The following CD207 variants were observed in gnomAD, a reference collection of about 807,000 sequenced individuals.
The protein encoded by CD207 is C-type lectin domain family 4 member K.
In CD207, 28 loss-of-function variants were observed where a neutral mutation model predicts 31.6. The ratio of observed to expected loss-of-function variants is 0.89; its 90% confidence interval spans 0.66 to 1.21. The LOEUF is 1.21. Ranked by LOEUF, CD207 falls within the 50% of genes most tolerant of loss-of-function variation. The pLI, the probability that CD207 is intolerant of heterozygous loss-of-function variation, is 0.00. For synonymous variants in CD207, 168 were observed against 153.9 expected, an observed-to-expected ratio of 1.09 and a Z score of -0.68; for missense variants, 388 against 397.8, an observed-to-expected ratio of 0.98 and a Z score of 0.21.
At chr2:70,829,051 T>A (rs1677409046), downstream of CD207, among the ~76,000 whole-genome samples, 1 of 152,230 alleles carries the variant, frequency 6.6e-6, no homozygotes, top group East Asian at 1.9e-4. Context: ...AGCCTTTCTC[T>A]TAACTCAGTG....
At chr2:70,828,007 A>T (rs1677386262), downstream of CD207, among the ~76,000 whole-genome samples, 1 of 152,214 alleles carries the variant, frequency 6.6e-6, no homozygotes, top group Non-Finnish European at 1.5e-5. Context: ...AAATCAGAAA[A>T]AAAAAGAAAG....
chr2:70,831,839 A>C lies in CD207; in HGVS notation c.718-20T>G. ...AAACTCCTGTAGGAAAGACAGGATA[A>C]GCAGAGGTGCGGCCACACTTGGAGC... On this transcript the variant is annotated intron_variant, in intron 4 of 5. Transcript: ENST00000410009. The C allele has an allele frequency of 6.8e-7, 1 of 1,473,688 alleles. No homozygotes were observed. 91.3% of individuals were successfully genotyped at this position (1,473,688 alleles called of 1,614,324 possible).
At chr2:70,831,929 T>C in intron 4 of CD207, 110 bp from the exon 5 acceptor site, 2 of 718,654 alleles carry the variant, frequency 2.8e-6, no homozygotes, top group Non-Finnish European at 4.9e-6. Flanking sequence ...ACAGATGCGC[T>C]GCACAAACTG....
At position 70,831,801 on chromosome 2, in the gene CD207, C is replaced by T. The variant is rs1320259944; in HGVS notation, c.736G>A (p.Ala246Thr). Reference sequence around the variant, plus strand: ...CCAATCCAGTAGATGAGTCCCCCCGCTGTTTTATACAGAAACTCCTGTAGG... The same window carrying T: ...CCAATCCAGTAGATGAGTCCCCCCGTTGTTTTATACAGAAACTCCTGTAGG... ...ESEQEFLYKT[A>T]GGLIYWIGLT... Residue 246 changes from alanine to threonine, a missense_variant, in exon 5 of 6, where the codon GCG becomes ACG. Ala to Thr is a moderately conservative substitution (Grantham distance 58). Transcript: ENST00000410009. 4.3e-6 allele frequency: 7 copies of T among 1,609,752 alleles called. No individual in the cohort carries two copies. Among genetic ancestry groups the T allele is most frequent in the Non-Finnish European group, 6.0e-6 (7 of 1,176,216 alleles).
chr2:70,833,146 G>C, intron 3 of CD207, 95 bp from the exon 4 acceptor site: 11 of 1,167,450 alleles, frequency 9.4e-6, no homozygotes, highest in Non-Finnish European at 1.4e-5. Flanking sequence ...AGAGACAGCA[G>C]CAAATGGAGC....
At chr2:70,827,437 G>C (rs11126300), downstream of CD207, among the ~76,000 whole-genome samples, 93,062 of 152,002 alleles carry the variant, frequency 0.61, 28,873 homozygotes, top group Middle Eastern at 0.7. Flanking sequence ...CCTGAAATCT[G>C]TGAGGGAGGC....
chr2:70,835,410 C>G, intron 2 of CD207, 81 bp downstream of exon 2: 1 of 926,074 alleles, frequency 1.1e-6, no homozygotes, highest in Non-Finnish European at 1.7e-6. Context: ...ACCCGGAGAG[C>G]AGGGAAGTGG....
In CD207 at chr2:70,830,308, G is replaced by C. The variant is rs1354567102; in HGVS notation, c.*742C>G. On this transcript the variant is annotated 3_prime_UTR_variant, in exon 6 of 6. Coordinates refer to ENST00000410009, the MANE Select transcript of CD207 (RefSeq NM_015717.5). Reference sequence around the variant, plus strand: ...GCTTCCCATGCACAAGACACAGGAAGATAGGAAATGCAGAAGGAGGAGGAG... The same window carrying C: ...GCTTCCCATGCACAAGACACAGGAACATAGGAAATGCAGAAGGAGGAGGAG... 6.6e-6 allele frequency: 1 copy of C among 152,552 alleles called. No homozygotes were observed. Among genetic ancestry groups the C allele is most frequent in the Non-Finnish European group, 1.5e-5 (1 of 68,220 alleles). The allele number at this position is 152,552 out of a possible 1,614,324, so 9.4% of individuals were successfully genotyped here. A position where few individuals can be genotyped will look rare whatever the true frequency, so the allele number is the denominator to read the frequency against.
downstream of CD207, among the ~76,000 whole-genome samples, chr2:70,829,343 A>G (rs1677414791): frequency 6.6e-6 from 1 of 152,240 alleles, no homozygotes; most frequent in South Asian, 2.1e-4. Flanking sequence ...TACTGGGGAA[A>G]GATATCATAA....
chr2:70,824,220 C>T, the CD207 span, among the ~76,000 whole-genome samples: 2 of 151,844 alleles, frequency 1.3e-5, no homozygotes, highest in Non-Finnish European at 2.9e-5. Context: ...TACAAAGTGT[C>T]CTGATTTTAC....
intron 3 of CD207, 75 bp from the exon 4 acceptor site, chr2:70,833,126 A>G (rs1482699484): frequency 2.1e-6 from 3 of 1,449,036 alleles, no homozygotes; most frequent in Admixed American, 1.7e-5. Flanking sequence ...GGGCACTTGA[A>G]TGAGGTCTCA....
At chr2:70,826,377 A>G (rs1677345238), downstream of CD207, among the ~76,000 whole-genome samples, 1 of 104,318 alleles carries the variant, frequency 9.6e-6, no homozygotes, top group Non-Finnish European at 2.2e-5. Flanking sequence ...AAATAATTAA[A>G]TTAAATTAAA....
rs781862128 is a variant in CD207, at chr2:70,832,880, C to T, written c.717+20G>A. 4 of 1,606,222 alleles carry T rather than the reference C, an allele frequency of 2.5e-6. No homozygotes were observed. The highest frequency in any genetic ancestry group is 1.1e-5 in the South Asian group (1 of 89,966). ...GTGCTCATACGCCCCCTTCACAGAGCCCATAGGCACAGCACTCACCTGCTC... is the reference window on the plus strand; with the variant it reads ...GTGCTCATACGCCCCCTTCACAGAGTCCATAGGCACAGCACTCACCTGCTC... On this transcript the variant is annotated intron_variant, in intron 4 of 5. Transcript: ENST00000410009.
At chr2:70,828,618 C>A (rs6725094), downstream of CD207, among the ~76,000 whole-genome samples, 2 of 151,990 alleles carry the variant, frequency 1.3e-5, no homozygotes, top group Non-Finnish European at 2.9e-5. Context: ...ACCTCCATTG[C>A]GACTCCTCTG....
chr2:70,832,838 C>T lies in CD207; in HGVS notation c.717+62G>A, dbSNP rs1387601910. ...TTTTGTTCACGCAGTATAATCTTGC[C>T]CATCCTCCCTGGCCCAGTGCTCATA... On this transcript the variant is annotated intron_variant, in intron 4 of 5. Coordinates refer to ENST00000410009, the MANE Select transcript of CD207 (RefSeq NM_015717.5). 2.0e-6 allele frequency: 3 copies of T among 1,482,800 alleles called. No individual in the cohort carries two copies. In the African/African-American group the frequency reaches 4.2e-5, roughly 21 times the overall value. The allele number at this position is 1,482,800 out of a possible 1,614,324, so 91.9% of individuals were successfully genotyped here.
intron 1 of CD207, 25 bp from the exon 2 acceptor site, chr2:70,835,632 T>A: frequency 6.2e-7 from 1 of 1,611,146 alleles, no homozygotes; most frequent in East Asian, 2.2e-5. Context: ...AGAAAATGTG[T>A]GTTGAAGGAG....
At chr2:70,826,318 A>G (rs1386814968), downstream of CD207, among the ~76,000 whole-genome samples, 1 of 152,172 alleles carries the variant, frequency 6.6e-6, no homozygotes, top group Non-Finnish European at 1.5e-5. Flanking sequence ...CACATGGTTG[A>G]ATCTGACCGG....
downstream of CD207, chr2:70,830,116 T>C (rs1553399417): frequency 1.3e-5 from 2 of 152,238 alleles, no homozygotes; most frequent in Admixed American, 6.5e-5. Context: ...CCCCAGATGT[T>C]TCCTGAGGAT....
downstream of CD207, among the ~76,000 whole-genome samples, chr2:70,827,957 C>T (rs1553399102): frequency 1.3e-5 from 2 of 151,720 alleles, no homozygotes. Flanking sequence ...TATTTTATTG[C>T]AACATTGAAA....
Sources: gnomAD v4.1 joint callset for allele counts (sites outside exome capture counted in the v4.1 genomes callset) on GRCh38, gnomAD v4.1.1 for gene constraint, MANE v1.5 for transcripts, NCBI Gene and HGNC (gene_info 2026-07-23, HGNC 2026-07-21) for gene names.